Variants in CASTOR2 observed in about 807,000 individuals in gnomAD.
CASTOR2 encodes the protein GATS protein like 2.
CASTOR2 carries 8 observed loss-of-function variants against 31.2 expected under a neutral mutation model. The ratio of observed to expected loss-of-function variants is 0.26; its 90% confidence interval spans 0.15 to 0.46. The LOEUF is 0.46. Ranked by LOEUF, CASTOR2 falls within the 20% of genes least tolerant of loss-of-function variation. CASTOR2 has a pLI of 0.99. For synonymous variants in CASTOR2, 162 were observed against 158.7 expected (o/e 1.02, Z -0.16); for missense variants, 216 against 382.1 (o/e 0.57, Z 3.62).
chr7:74,977,240 C>G (rs1554435835), intron 1 of CASTOR2, among the ~76,000 whole-genome samples: 1 of 150,872 alleles, frequency 6.6e-6, no homozygotes, highest in African/African-American at 2.4e-5. Flanking sequence ...TCTTCTGAGC[C>G]TGCACACGGC....
chr7:75,002,978 C>T (rs1804530067), intron 1 of CASTOR2, among the ~76,000 whole-genome samples: 1 of 152,070 alleles, frequency 6.6e-6, no homozygotes, highest in African/African-American at 2.4e-5. Flanking sequence ...ATCCCGGGTA[C>T]TTGGGAGGCT....
intron 3 of CASTOR2, 23 bp downstream of exon 3, chr7:75,017,814 G>A (rs1186790731): frequency 7.4e-6 from 12 of 1,613,874 alleles, no homozygotes; most frequent in Non-Finnish European, 9.3e-6. Context: ...TCACAGACAC[G>A]CCTTGCACAC....
At chr7:74,989,877 A>G (rs1804165204) in intron 1 of CASTOR2, among the ~76,000 whole-genome samples, 1 of 152,118 alleles carries the variant, frequency 6.6e-6, no homozygotes, top group Non-Finnish European at 1.5e-5. Context: ...AGGAGCACGG[A>G]ACACTTTCTG....
chr7:74,999,601 C>CTTTTGTTT (rs1804444708), intron 1 of CASTOR2, among the ~76,000 whole-genome samples: 1 of 45,760 alleles, frequency 2.2e-5, no homozygotes, highest in East Asian at 1.1e-3. Context: ...TCACTCACTG[C>CTTTTGTTT]TTTTTTTTTT....
At chr7:75,007,557 T>C (rs1269388581) in intron 1 of CASTOR2, among the ~76,000 whole-genome samples, 7 of 151,454 alleles carry the variant, frequency 4.6e-5, no homozygotes, top group South Asian at 2.1e-4. Context: ...AGCTCCAGAG[T>C]TGCTGAGGAG....
Position 75,026,818 on chromosome 7 carries a change from A to G in CASTOR2, c.*2119A>G, listed in dbSNP as rs1476928398. ...CAAGGCCTTGATTTTCCTTTCTGTC[A>G]TTTCCCCCTGACGGTGTCACTTCTC... is the stretch of plus-strand genomic sequence containing the variant. On this transcript the variant is annotated 3_prime_UTR_variant, in exon 9 of 9. Coordinates refer to ENST00000616305, the MANE Select transcript of CASTOR2 (RefSeq NM_001145064.3). 5.9e-5 allele frequency among the ~76,000 whole-genome samples: 9 copies of G among 151,802 alleles called. No individual in the cohort carries two copies. The highest frequency in any genetic ancestry group is 2.2e-4 in the African/African-American group (9 of 41,252).
At chr7:74,990,458 C>T (rs1366798461) in intron 1 of CASTOR2, among the ~76,000 whole-genome samples, 4 of 152,112 alleles carry the variant, frequency 2.6e-5, no homozygotes, top group Non-Finnish European at 4.4e-5. Context: ...TGGCTTATAC[C>T]TGTAATCCCA....
At position 75,025,106 on chromosome 7, in the gene CASTOR2, G is replaced by C. The variant is rs1805091207; in HGVS notation, c.*407G>C. ...CATGTCACCTTGCAGGGCTGGGGCT[G>C]GCGGGGTGGGGCCGAGTTTGGGGTG... On this transcript the variant is annotated 3_prime_UTR_variant, in exon 9 of 9. Coordinates refer to ENST00000616305, the MANE Select transcript of CASTOR2 (RefSeq NM_001145064.3). 6.6e-6 allele frequency among the ~76,000 whole-genome samples: 1 copy of C among 152,244 alleles called. No individual in the cohort carries two copies.
chr7:74,965,864 ACACACACACACACACACACTCTCTCTCT>A (rs1803563789), intron 1 of CASTOR2, among the ~76,000 whole-genome samples: 1 of 19,002 alleles, frequency 5.3e-5, no homozygotes, highest in Non-Finnish European at 8.9e-5. Context: ...ACACACACAC[ACACACACACACACACACACTCTCTCTCT>A]CTCTCTCTCT....
At chr7:75,000,688 C>T (rs1804474849) in intron 1 of CASTOR2, among the ~76,000 whole-genome samples, 1 of 152,068 alleles carries the variant, frequency 6.6e-6, no homozygotes, top group African/African-American at 2.4e-5. Flanking sequence ...GATGGAGTCT[C>T]GCTCTGTCAC....
chr7:74,986,109 T>C (rs1804058262), intron 1 of CASTOR2, among the ~76,000 whole-genome samples: 1 of 152,052 alleles, frequency 6.6e-6, no homozygotes, highest in Non-Finnish European at 1.5e-5. Flanking sequence ...TTTGTATTTT[T>C]AGTAGAGATG....
intron 1 of CASTOR2, among the ~76,000 whole-genome samples, chr7:74,989,381 C>T (rs1804150885): frequency 6.6e-6 from 1 of 151,090 alleles, no homozygotes; most frequent in Non-Finnish European, 1.5e-5. Context: ...CTCAGCCTCC[C>T]AAATAGCTGG....
rs1177516960 is a variant in CASTOR2, at chr7:75,029,362, C to CTTTTTT, written c.*4677_*4682dup. Among the ~76,000 whole-genome samples the CTTTTTT allele has an allele frequency of 2.4e-5, 3 of 126,174 alleles. No individual in the cohort carries two copies. The South Asian group carries it at 8.3e-4, about 35-fold the overall frequency. The allele number at this position is 126,174 out of a possible 152,430, so 82.8% of individuals were successfully genotyped here. On this transcript the variant is annotated 3_prime_UTR_variant, in exon 9 of 9. Transcript: ENST00000616305. ...CACCTCAGCCCTGCAATGGGGGGAT[C>CTTTTTT]TTTTTTTTTTTTTTTTTTTGAGACA...
chr7:74,987,769 CG>C (rs1488293212), intron 1 of CASTOR2, among the ~76,000 whole-genome samples: 1 of 151,550 alleles, frequency 6.6e-6, no homozygotes, highest in African/African-American at 2.4e-5. Flanking sequence ...AGTGCAGTGG[CG>C]TGATATCGGC....
In CASTOR2 at chr7:75,018,953, C is replaced by A. The variant is rs1391741191; in HGVS notation, c.512-19C>A. The A allele has an allele frequency of 4.5e-6, 7 of 1,551,760 alleles. No individual in the cohort carries two copies. In the Admixed American group the frequency reaches 9.8e-5, roughly 22 times the overall value. On this transcript the variant is annotated intron_variant, in intron 4 of 8. Coordinates refer to ENST00000616305, the MANE Select transcript of CASTOR2 (RefSeq NM_001145064.3). ...TTTCAGTCCCAGCCTCAGTGCCTGA[C>A]ATCTTTGTGCTCTTACAGTCCAGAG... is the stretch of plus-strand genomic sequence containing the variant.
intron 1 of CASTOR2, among the ~76,000 whole-genome samples, chr7:74,987,955 G>A (rs1336055723): frequency 6.0e-5 from 9 of 150,882 alleles, no homozygotes; most frequent in South Asian, 2.1e-4. Flanking sequence ...TGATACACCC[G>A]CTTTGGCCTC....
At chr7:74,989,244 G>A (rs1233329026) in intron 1 of CASTOR2, among the ~76,000 whole-genome samples, 1 of 148,052 alleles carries the variant, frequency 6.8e-6, no homozygotes. Context: ...GATTACAGGC[G>A]TGAGCCACCA....
chr7:74,998,973 C>T (rs1255739110), intron 1 of CASTOR2, among the ~76,000 whole-genome samples: 11 of 151,882 alleles, frequency 7.2e-5, no homozygotes, highest in African/African-American at 2.7e-4. Flanking sequence ...TCGCCCGTGA[C>T]ACAAGCACAT....
intron 1 of CASTOR2, among the ~76,000 whole-genome samples, chr7:74,965,938 A>G (rs1266980501): frequency 0.011 from 275 of 25,550 alleles, 21 homozygotes; most frequent in African/African-American, 0.044. Flanking sequence ...TATGCCAGGT[A>G]AGGGTTTGAC....
Sources: allele counts gnomAD v4.1 joint callset (sites outside exome capture counted in the v4.1 genomes callset), GRCh38; gene constraint gnomAD v4.1.1; transcripts MANE v1.5; gene names NCBI Gene and HGNC (gene_info 2026-07-23, HGNC 2026-07-21).